The following MACROD2 variants were observed in gnomAD, a reference collection of about 807,000 sequenced individuals.
MACROD2 encodes mono-ADP ribosylhydrolase 2.
Under a neutral mutation model 70.4 loss-of-function variants are expected in MACROD2, and 36 were observed. The ratio of observed to expected loss-of-function variants is 0.51; its 90% CI spans 0.39 to 0.68. MACROD2 has a LOEUF of 0.68. Ranked by LOEUF, MACROD2 falls within the 30% of genes least tolerant of loss-of-function variation. MACROD2 has a pLI of 0.00. For missense variants in MACROD2, 496 were observed against 538.4 expected (o/e 0.92, Z 0.78); for synonymous variants, 172 against 178.8 (o/e 0.96, Z 0.30).
At chr20:15,410,497 A>T (rs1036435305) in intron 6 of MACROD2, among the ~76,000 whole-genome samples, 1 of 152,058 alleles carries the variant, frequency 6.6e-6, no homozygotes, top group African/African-American at 2.4e-5. Context: ...TCTGCTCACA[A>T]CTTTCAGCTC....
chr20:15,992,589 TG>T (rs1478616701), intron 15 of MACROD2, among the ~76,000 whole-genome samples: 1 of 152,232 alleles, frequency 6.6e-6, no homozygotes, highest in African/African-American at 2.4e-5. Flanking sequence ...CTTGCCCATC[TG>T]GGGAATTTTA....
chr20:14,262,109 C>T (rs1436612902), intron 3 of MACROD2, among the ~76,000 whole-genome samples: 1 of 152,062 alleles, frequency 6.6e-6, no homozygotes, highest in Non-Finnish European at 1.5e-5. Flanking sequence ...AGATATAAAA[C>T]AATATAATGT....
chr20:14,819,830 A>G (rs115430090), intron 5 of MACROD2, among the ~76,000 whole-genome samples: 1,787 of 152,178 alleles, frequency 0.012, 44 homozygotes, highest in African/African-American at 0.04. Context: ...TGGCTGGGAC[A>G]TTGAGTTCAG....
At chr20:15,672,386 C>CACACACACAT (rs1555858317) in intron 8 of MACROD2, among the ~76,000 whole-genome samples, 1 of 150,202 alleles carries the variant, frequency 6.7e-6, no homozygotes, top group African/African-American at 2.5e-5. Context: ...CACACACACA[C>CACACACACAT]GTAGAGTCAT....
intron 6 of MACROD2, among the ~76,000 whole-genome samples, chr20:15,399,644 G>A (rs745516338): frequency 1.5e-4 from 23 of 152,078 alleles, no homozygotes; most frequent in Admixed American, 1.5e-3. Flanking sequence ...TCTTCTTTCT[G>A]GCACAATAAG....
intron 3 of MACROD2, among the ~76,000 whole-genome samples, chr20:14,176,152 A>G (rs769283607): frequency 1.9e-4 from 29 of 152,054 alleles, no homozygotes; most frequent in East Asian, 3.9e-4. Context: ...ACTTGAACCT[A>G]TTTTTCTTCC....
chr20:14,918,834 G>T (rs750883500), intron 5 of MACROD2, among the ~76,000 whole-genome samples: 1 of 152,074 alleles, frequency 6.6e-6, no homozygotes, highest in Non-Finnish European at 1.5e-5. Context: ...TATCACTGAT[G>T]TGTTTCAGTC....
chr20:15,013,513 C>G (rs1462503808), intron 5 of MACROD2, among the ~76,000 whole-genome samples: 1 of 152,094 alleles, frequency 6.6e-6, no homozygotes, highest in Non-Finnish European at 1.5e-5. Context: ...CTGAAGAGAG[C>G]TACCGTGCGC....
In MACROD2 at chr20:15,759,703, C is replaced by T. The variant is rs536091275; in HGVS notation, c.646-103042C>T. Reference sequence around the variant, plus strand: ...CTCAGTCTTGCTTTGAGCACTATTGCGACGTAGACTATTTATGGGACAATA... The same window carrying T: ...CTCAGTCTTGCTTTGAGCACTATTGTGACGTAGACTATTTATGGGACAATA... On this transcript the variant is annotated intron_variant, in intron 8 of 17. Coordinates refer to ENST00000684519, the MANE Select transcript of MACROD2 (RefSeq NM_001351661.2). Among the ~76,000 whole-genome samples, 136 of 152,256 alleles carry T rather than the reference C, an allele frequency of 8.9e-4. 2 individuals carry two copies. Among genetic ancestry groups the T allele is most frequent in the African/African-American group, 3.1e-3 (130 of 41,548 alleles).
intron 5 of MACROD2, among the ~76,000 whole-genome samples, chr20:15,131,776 G>C (rs2076107387): frequency 6.6e-6 from 1 of 151,938 alleles, no homozygotes; most frequent in South Asian, 2.1e-4. Flanking sequence ...AACACATAAA[G>C]AGGCAATCCA....
intron 5 of MACROD2, among the ~76,000 whole-genome samples, chr20:14,723,157 C>T (rs2071489701): frequency 6.6e-6 from 1 of 152,100 alleles, no homozygotes. Flanking sequence ...TGTGCTATCT[C>T]CTTGGTGTAG....
At chr20:15,417,721 C>A (rs575691973) in intron 6 of MACROD2, among the ~76,000 whole-genome samples, 1 of 151,912 alleles carries the variant, frequency 6.6e-6, no homozygotes, top group South Asian at 2.1e-4. Flanking sequence ...TTGGGCTCCA[C>A]CGCAGACCTT....
intron 2 of MACROD2, among the ~76,000 whole-genome samples, chr20:14,055,799 G>A (rs2053625661): frequency 6.7e-6 from 1 of 148,800 alleles, no homozygotes; most frequent in African/African-American, 2.5e-5. Flanking sequence ...TCAATTTGTT[G>A]TAATTACCTG....
chr20:15,890,388 C>A (rs748358156), intron 10 of MACROD2, among the ~76,000 whole-genome samples: 2 of 152,146 alleles, frequency 1.3e-5, no homozygotes, highest in Non-Finnish European at 2.9e-5. Context: ...CAGTTGCAGA[C>A]GACACATTGC....
intron 3 of MACROD2, among the ~76,000 whole-genome samples, chr20:14,464,732 G>T (rs1452351645): frequency 7.9e-5 from 12 of 151,880 alleles, no homozygotes; most frequent in African/African-American, 2.7e-4. Context: ...CTGGTATGTT[G>T]TGTCTTTGTT....
At chr20:14,174,464 A>G (rs1459672126) in intron 3 of MACROD2, among the ~76,000 whole-genome samples, 4 of 152,088 alleles carry the variant, frequency 2.6e-5, no homozygotes, top group Non-Finnish European at 5.9e-5. Flanking sequence ...GCTAGCAGTT[A>G]TAGGCCTCAC....
chr20:15,513,266 T>G (rs2224301), intron 8 of MACROD2, among the ~76,000 whole-genome samples: 128,676 of 152,248 alleles, frequency 0.85, 54,738 homozygotes, highest in East Asian at 0.99. Context: ...TGTTCGGGAG[T>G]CAAAGGAAAA....
At position 13,995,904 on chromosome 20, in the gene MACROD2, C is replaced by A; in HGVS notation, c.46+95C>A. On this transcript the variant is annotated intron_variant, in intron 1 of 17. Transcript: ENST00000684519. This position sits in a 1 kb window ranked among gnomAD's most constrained non-coding sequence, Gnocchi z 4.3. ...TGTGCCGCGGCGCCCTCCGCCCGAG[C>A]TCCCGCCTCGCGCCCTCCCGGCCGG... The A allele has an allele frequency of 7.0e-7, 1 of 1,433,976 alleles. No homozygotes were observed. Among genetic ancestry groups the A allele is most frequent in the Non-Finnish European group, 9.6e-7 (1 of 1,045,246 alleles). The allele number at this position is 1,433,976 out of a possible 1,614,324, so 88.8% of individuals were successfully genotyped here.
intron 6 of MACROD2, among the ~76,000 whole-genome samples, chr20:15,330,954 C>T (rs771698583): frequency 6.6e-6 from 1 of 151,650 alleles, no homozygotes; most frequent in Non-Finnish European, 1.5e-5. Context: ...ATAAAAGCCT[C>T]TACGTGCACT....
Sources: gnomAD v4.1 joint callset for allele counts (sites outside exome capture counted in the v4.1 genomes callset) on GRCh38, gnomAD v4.1.1 for gene constraint, Gnocchi (gnomAD v3.1) non-coding constraint, MANE v1.5 for transcripts, NCBI Gene and HGNC (gene_info 2026-07-23, HGNC 2026-07-21) for gene names.